Variants in APBB1IP observed in about 807,000 individuals in gnomAD.
APBB1IP encodes the protein amyloid beta A4 precursor protein-binding family B member 1-interacting protein.
Under a neutral mutation model 64.9 loss-of-function variants are expected in APBB1IP, and 27 were observed. That is an observed-to-expected ratio of 0.42 (90% CI 0.31 to 0.57). The LOEUF is 0.57. APBB1IP is among the 20% of genes least tolerant of loss of function. The pLI is 0.20. For missense variants in APBB1IP, 812 were observed against 845.5 expected (o/e 0.96, Z 0.49); for synonymous variants, 392 against 331.0 (o/e 1.18, Z -2.00).
intron 9 of APBB1IP, among the ~76,000 whole-genome samples, chr10:26,534,724 T>C (rs1278114335): frequency 3.3e-5 from 5 of 152,210 alleles, no homozygotes; most frequent in Non-Finnish European, 5.9e-5. Flanking sequence ...TTCTGGTGCC[T>C]GGGAGCATGA....
In APBB1IP at chr10:26,524,955, C is replaced by CTTTTTTTTTTTTTTTTTTTTTTT. The variant is rs56982662; in HGVS notation, c.814-8465_814-8464insTTTTTTTTTTTTTTTTTTTTTTT. Among the ~76,000 whole-genome samples the CTTTTTTTTTTTTTTTTTTTTTTT allele has an allele frequency of 7.4e-4, 55 of 73,948 alleles. 4 individuals carry two copies. Among genetic ancestry groups the CTTTTTTTTTTTTTTTTTTTTTTT allele is most frequent in the East Asian group, 2.8e-3 (5 of 1,814 alleles). The allele number at this position is 73,948 out of a possible 152,430, so 48.5% of individuals were successfully genotyped here. ...TCTTTTTCTTTCTCTTTCTTTCTTTCTTTTTTTTTTTTTTTTTTTATAAAA... is the reference window on the plus strand; with the variant it reads ...TCTTTTTCTTTCTCTTTCTTTCTTTCTTTTTTTTTTTTTTTTTTTTTTTTTTTTTTTTTTTTTTTTTTATAAAA... On this transcript the variant is annotated intron_variant, in intron 8 of 14. Transcript: ENST00000376236.
chr10:26,490,494 G>C (rs574913008), intron 2 of APBB1IP, among the ~76,000 whole-genome samples: 1 of 152,064 alleles, frequency 6.6e-6, no homozygotes, highest in Non-Finnish European at 1.5e-5. Flanking sequence ...GTGTGGTGGG[G>C]CATGCCTGTA....
intron 2 of APBB1IP, among the ~76,000 whole-genome samples, chr10:26,491,987 C>A (rs1458288529): frequency 6.6e-6 from 1 of 152,120 alleles, no homozygotes; most frequent in Non-Finnish European, 1.5e-5. Context: ...GTCTCAAACT[C>A]CTGACCTCAG....
At chr10:26,549,336 T>C (rs1231431084) in intron 11 of APBB1IP, among the ~76,000 whole-genome samples, 1 of 152,224 alleles carries the variant, frequency 6.6e-6, no homozygotes, top group Non-Finnish European at 1.5e-5. Flanking sequence ...AATGTAGGCC[T>C]CATAGAATGA....
chr10:26,507,651 G>A (rs941174701), intron 6 of APBB1IP, among the ~76,000 whole-genome samples: 1 of 152,222 alleles, frequency 6.6e-6, no homozygotes, highest in African/African-American at 2.4e-5. Context: ...GCTGTGCTGA[G>A]TCATTGACTT....
chr10:26,506,115 G>T (rs1471245393), intron 6 of APBB1IP, among the ~76,000 whole-genome samples: 1 of 152,104 alleles, frequency 6.6e-6, no homozygotes, highest in African/African-American at 2.4e-5. Context: ...GGTTCGCTGT[G>T]CATCTCCTTT....
chr10:26,451,516 T>C (rs993024581), intron 2 of APBB1IP, among the ~76,000 whole-genome samples: 2 of 152,374 alleles, frequency 1.3e-5, no homozygotes, highest in South Asian at 2.1e-4. Context: ...TTGTAAATGA[T>C]GCGTTCTGCT....
At chr10:26,533,984 G>T (rs1469542075) in intron 9 of APBB1IP, among the ~76,000 whole-genome samples, 1 of 151,820 alleles carries the variant, frequency 6.6e-6, no homozygotes, top group Non-Finnish European at 1.5e-5. Context: ...GCCCCCCCGA[G>T]AACCTGACAG....
intron 2 of APBB1IP, among the ~76,000 whole-genome samples, chr10:26,491,349 C>T (rs1377412548): frequency 6.6e-6 from 1 of 152,012 alleles, no homozygotes; most frequent in Non-Finnish European, 1.5e-5. Flanking sequence ...CAGCAAATTC[C>T]TCATGTTACA....
intron 2 of APBB1IP, among the ~76,000 whole-genome samples, chr10:26,490,146 T>G (rs1170803489): frequency 6.6e-6 from 1 of 152,204 alleles, no homozygotes; most frequent in African/African-American, 2.4e-5. Context: ...TGATTAGCTA[T>G]AGCTATTAAA....
At chr10:26,452,848 C>T (rs1187445554) in intron 2 of APBB1IP, among the ~76,000 whole-genome samples, 2 of 152,130 alleles carry the variant, frequency 1.3e-5, no homozygotes, top group African/African-American at 4.8e-5. Flanking sequence ...TATTTTTCCA[C>T]TCTGTATAGC....
At chr10:26,454,986 A>T (rs1835505857) in intron 2 of APBB1IP, among the ~76,000 whole-genome samples, 1 of 152,218 alleles carries the variant, frequency 6.6e-6, no homozygotes, top group Non-Finnish European at 1.5e-5. Flanking sequence ...ACAACACATG[A>T]TGAAGCAATG....
intron 8 of APBB1IP, among the ~76,000 whole-genome samples, chr10:26,518,343 G>GC (rs1277327036): frequency 6.6e-6 from 1 of 151,410 alleles, no homozygotes; most frequent in African/African-American, 2.4e-5. Context: ...CACCTCCCTG[G>GC]CTCAAGTGAT....
At chr10:26,522,034 A>G (rs787065) in intron 8 of APBB1IP, among the ~76,000 whole-genome samples, 34,949 of 152,138 alleles carry the variant, frequency 0.23, 4,198 homozygotes, top group East Asian at 0.33. Context: ...TACAGGCATG[A>G]GCCACTGCAC....
chr10:26,540,349 C>T (rs777084556), intron 10 of APBB1IP, among the ~76,000 whole-genome samples: 2 of 152,040 alleles, frequency 1.3e-5, no homozygotes, highest in East Asian at 1.9e-4. Context: ...CCAAGGAAGG[C>T]GGATCGCTTG....
chr10:26,496,548 G>C (rs1186692694), intron 4 of APBB1IP, among the ~76,000 whole-genome samples, 157 bp downstream of exon 4: 1 of 152,072 alleles, frequency 6.6e-6, no homozygotes, highest in Non-Finnish European at 1.5e-5. Flanking sequence ...ACTGTGTCTA[G>C]ATTGAATTGA....
intron 4 of APBB1IP, 43 bp downstream of exon 4, chr10:26,496,434 A>C: frequency 7.0e-7 from 1 of 1,438,192 alleles, no homozygotes; most frequent in Non-Finnish European, 9.8e-7. Flanking sequence ...CAAAATCATA[A>C]TGATGATTCA....
At chr10:26,561,816 T>G (rs1404907411) in intron 13 of APBB1IP, 1 of 152,272 alleles carries the variant, frequency 6.6e-6, no homozygotes, top group Non-Finnish European at 1.5e-5. Flanking sequence ...TTGCCCGAAT[T>G]TCTGTCTGTT....
chr10:26,463,355 A>G (rs1222402765), intron 2 of APBB1IP, among the ~76,000 whole-genome samples: 2 of 152,180 alleles, frequency 1.3e-5, no homozygotes, highest in Non-Finnish European at 2.9e-5. Flanking sequence ...CGAGAGAATT[A>G]CTTGAACCCA....
Sources: allele counts gnomAD v4.1 joint callset (sites outside exome capture counted in the v4.1 genomes callset), GRCh38; gene constraint gnomAD v4.1.1; transcripts MANE v1.5; gene names NCBI Gene and HGNC (gene_info 2026-07-23, HGNC 2026-07-21).